Variants in ATF7IP2 observed in about 807,000 individuals in gnomAD.
ATF7IP2 encodes activating transcription factor 7-interacting protein 2.
ATF7IP2 carries 42 observed loss-of-function variants against 64.2 expected under a neutral mutation model. That is an observed-to-expected ratio of 0.65 (90% CI 0.51 to 0.85). The LOEUF (loss-of-function observed/expected upper bound fraction) is 0.85. Ranked by LOEUF, ATF7IP2 falls within the 40% of genes least tolerant of loss-of-function variation. The pLI is 0.00. For missense variants in ATF7IP2, 933 were observed against 784.2 expected, an observed-to-expected ratio of 1.19 and a Z score of -2.27; for synonymous variants, 308 against 272.8, an observed-to-expected ratio of 1.13 and a Z score of -1.27.
intron 5 of ATF7IP2, among the ~76,000 whole-genome samples, chr16:10,433,031 G>A (rs1678030102): frequency 6.6e-6 from 1 of 152,150 alleles, no homozygotes; most frequent in African/African-American, 2.4e-5. Context: ...TCTGAGACCA[G>A]AACCCTACCT....
At chr16:10,472,281 A>G (rs2049830782) in intron 10 of ATF7IP2, 98 bp downstream of exon 10, 1 of 566,390 alleles carries the variant, frequency 1.8e-6, no homozygotes, top group East Asian at 3.1e-5. Flanking sequence ...TTTTAATAAA[A>G]TGAAAAAGTT....
intron 8 of ATF7IP2, chr16:10,445,888 C>A (rs1332403314): frequency 6.6e-6 from 1 of 152,082 alleles, no homozygotes; most frequent in African/African-American, 2.4e-5. Flanking sequence ...CTTGTTCAAT[C>A]GAAATTTTTC....
At chr16:10,461,963 C>T (rs746852028) in intron 9 of ATF7IP2, among the ~76,000 whole-genome samples, 3 of 151,934 alleles carry the variant, frequency 2.0e-5, no homozygotes, top group South Asian at 2.1e-4. Context: ...TCTGTTTGCC[C>T]TGTTTTATGG....
chr16:10,394,245 A>G (rs553642864), intron 1 of ATF7IP2, among the ~76,000 whole-genome samples: 2 of 152,344 alleles, frequency 1.3e-5, no homozygotes, highest in Admixed American at 6.5e-5. Context: ...TATCGTGCCT[A>G]TACTGATTTC....
At chr16:10,412,222 G>C (rs916143705) in intron 1 of ATF7IP2, among the ~76,000 whole-genome samples, 1 of 150,944 alleles carries the variant, frequency 6.6e-6, no homozygotes, top group African/African-American at 2.4e-5. Flanking sequence ...GCTGTGTTTG[G>C]GTTTGGTTTG....
At position 10,433,664 on chromosome 16, in the gene ATF7IP2, C is replaced by T; in HGVS notation, c.960+15C>T. 6.2e-7 allele frequency: 1 copy of T among 1,611,106 alleles called. No homozygotes were observed. Among genetic ancestry groups the T allele is most frequent in the Non-Finnish European group, 8.5e-7 (1 of 1,178,474 alleles). The stretch of plus-strand genomic sequence containing the variant: ...TCCTGGAACAGGTAAAATATTGGGG[C>T]TTAAATGGAACTTTTACTTTTGATT... On this transcript the variant is annotated intron_variant, in intron 6 of 13. Coordinates refer to ENST00000562102, the MANE Select transcript of ATF7IP2 (RefSeq NM_001393719.1).
intron 12 of ATF7IP2, among the ~76,000 whole-genome samples, chr16:10,475,852 C>T (rs1223079573): frequency 6.6e-6 from 1 of 151,706 alleles, no homozygotes; most frequent in Non-Finnish European, 1.5e-5. Flanking sequence ...CATTGAAAAG[C>T]ATTGTTTGAC....
intron 2 of ATF7IP2, among the ~76,000 whole-genome samples, chr16:10,418,964 G>C (rs945863119): frequency 6.6e-6 from 1 of 152,190 alleles, no homozygotes; most frequent in Non-Finnish European, 1.5e-5. Context: ...CGCAGACTGA[G>C]AGGTACAATT....
At position 10,431,385 on chromosome 16, in the gene ATF7IP2, T is replaced by C. The variant is rs1326386226; in HGVS notation, c.765T>C (p.Ser255=). The change falls in exon 5 of 14, where the codon AGT becomes AGC. Residue 255 remains serine (S), a synonymous_variant. Transcript: ENST00000562102. ...ACATTTTGAAAACTGATGAGTGTAGTAGAACCAGTATTTCAAATTGTGAAA... is the reference window on the plus strand; with the variant it reads ...ACATTTTGAAAACTGATGAGTGTAGCAGAACCAGTATTTCAAATTGTGAAA... ...ADDILKTDEC[S]RTSISNCESA... is the part of the protein sequence containing the mutation. 4 of 1,613,076 alleles carry C rather than the reference T, an allele frequency of 2.5e-6. No homozygotes were observed. The African/African-American group carries it at 5.3e-5, about 22-fold the overall frequency.
intron 1 of ATF7IP2, among the ~76,000 whole-genome samples, chr16:10,404,083 A>G (rs539982668): frequency 6.6e-6 from 1 of 152,218 alleles, no homozygotes; most frequent in Non-Finnish European, 1.5e-5. Context: ...CAGGAAGCCT[A>G]ATGATTCCTA....
intron 12 of ATF7IP2, among the ~76,000 whole-genome samples, chr16:10,479,958 C>CTTTTTTTTTTTTTTTTTTTTTTT (rs201158427): frequency 1.2e-5 from 1 of 80,568 alleles, no homozygotes. Context: ...ACTGGAAATA[C>CTTTTTTTTTTTTTTTTTTTTTTT]TTTTTTTTTT....
chr16:10,409,125 C>T lies in ATF7IP2; in HGVS notation c.-241-5449C>T, dbSNP rs141699841. 3.4e-3 allele frequency among the ~76,000 whole-genome samples: 518 copies of T among 152,148 alleles called. 3 individuals are homozygous for T. The highest frequency in any genetic ancestry group is 0.012 in the African/African-American group (491 of 41,498). On this transcript the variant is annotated intron_variant, in intron 1 of 13. Transcript: ENST00000562102. ...CAATCTCCCATGGGCGGGGGGTAGG[C>T]GGGTCAGACTGCACATTCTAAGTTG...
intron 6 of ATF7IP2, among the ~76,000 whole-genome samples, chr16:10,435,745 C>T (rs1024412370): frequency 7.2e-5 from 11 of 152,136 alleles, no homozygotes; most frequent in African/African-American, 2.4e-4. Context: ...CTCAAACGTA[C>T]CTGATAAAAA....
At chr16:10,406,806 T>C (rs2047649573) in intron 1 of ATF7IP2, among the ~76,000 whole-genome samples, 1 of 152,208 alleles carries the variant, frequency 6.6e-6, no homozygotes, top group Non-Finnish European at 1.5e-5. Context: ...GTGCCCTAAT[T>C]GCTTCACTGC....
chr16:10,458,139 G>A (rs1178702888), intron 9 of ATF7IP2, among the ~76,000 whole-genome samples: 1 of 152,236 alleles, frequency 6.6e-6, no homozygotes, highest in East Asian at 1.9e-4. Flanking sequence ...CTAAAGCAAA[G>A]GAGAAGCATT....
intron 9 of ATF7IP2, among the ~76,000 whole-genome samples, chr16:10,458,515 C>A (rs1240227565): frequency 6.6e-6 from 1 of 152,136 alleles, no homozygotes; most frequent in Non-Finnish European, 1.5e-5. Context: ...AAGAACCCTG[C>A]GATTTATAAA....
intron 2 of ATF7IP2, among the ~76,000 whole-genome samples, chr16:10,418,824 A>T (rs1596469607): frequency 1.3e-5 from 2 of 152,204 alleles, no homozygotes; most frequent in Admixed American, 1.3e-4. Context: ...AGAGCGGGCC[A>T]TATCATTTGA....
At chr16:10,411,660 C>T (rs1213752928) in intron 1 of ATF7IP2, among the ~76,000 whole-genome samples, 2 of 152,014 alleles carry the variant, frequency 1.3e-5, no homozygotes, top group East Asian at 1.9e-4. Context: ...TGAGCCACTG[C>T]GCCTGGCCTA....
intron 8 of ATF7IP2, among the ~76,000 whole-genome samples, chr16:10,456,348 T>A (rs1289258349): frequency 1.3e-5 from 2 of 152,118 alleles, no homozygotes; most frequent in Admixed American, 6.5e-5. Flanking sequence ...AAGTCAAGAT[T>A]TTGGCTGGAC....
Sources: gnomAD v4.1 joint callset for allele counts (sites outside exome capture counted in the v4.1 genomes callset) on GRCh38, gnomAD v4.1.1 for gene constraint, MANE v1.5 for transcripts, NCBI Gene and HGNC (gene_info 2026-07-23, HGNC 2026-07-21) for gene names.